RRAD: variants seen among roughly 807,000 people sequenced by gnomAD.
RRAD encodes the protein RRAD, Ras related glycolysis inhibitor and calcium channel regulator.
A neutral mutation model predicts 24.7 loss-of-function variants in RRAD; 15 were observed. That is an observed-to-expected ratio of 0.61 (90% CI 0.41 to 0.93). The LOEUF is 0.93. Ranked by LOEUF, RRAD falls within the 40% of genes least tolerant of loss-of-function variation. RRAD has a pLI of 0.00. For synonymous variants in RRAD, 180 were observed against 189.8 expected (o/e 0.95, Z 0.43); for missense variants, 438 against 452.2 (o/e 0.97, Z 0.29).
Position 66,922,265 on chromosome 16 carries a change from A to G in RRAD, c.738T>C (p.Gly246=), listed in dbSNP as rs1167988801. ...TGCGCAGGCGTATCTGGCGCACGAC[A>G]CCTTCAAACAGCGCCTGGACATTGT... The part of the protein sequence containing the change: ...LHHNVQALFE[G]VVRQIRLRRD... Residue 246 remains glycine, a synonymous_variant, in exon 5 of 5, where the codon GGT becomes GGC. Coordinates refer to ENST00000299759, the MANE Select transcript of RRAD (RefSeq NM_004165.3). 6.2e-7 allele frequency: 1 copy of G among 1,613,986 alleles called. No homozygotes were observed. The highest frequency in any genetic ancestry group is 1.7e-5 in the Admixed American group (1 of 60,024).
At position 66,924,761 on chromosome 16, in the gene RRAD, A is replaced by C. The variant is rs1420822810; in HGVS notation, c.370+49T>G. 5 of 1,392,452 alleles carry C rather than the reference A, an allele frequency of 3.6e-6. No homozygotes were observed. Among genetic ancestry groups the C allele is most frequent in the African/African-American group, 1.4e-5 (1 of 69,236 alleles). 86.3% of individuals were successfully genotyped at this position (1,392,452 alleles called of 1,614,324 possible). On this transcript the variant is annotated intron_variant, in intron 2 of 4. Transcript: ENST00000299759. The surrounding 1 kb of genome is among the most constrained non-coding windows in gnomAD (Gnocchi z 4.2). ...GCTTTGAGTACCGGTCTCAGCCCCTAGTCCTAGCCCCGGGATCGCCCCTCC... is the reference window on the plus strand; with the variant it reads ...GCTTTGAGTACCGGTCTCAGCCCCTCGTCCTAGCCCCGGGATCGCCCCTCC...
At position 66,923,678 on chromosome 16, in the gene RRAD, C is replaced by A. The variant is rs771292391; in HGVS notation, c.487G>T (p.Asp163Tyr). Residue 163 changes from aspartate (D) to tyrosine (Y), a missense_variant, in exon 4 of 5, where the codon GAT becomes TAT. Transcript: ENST00000299759. The surrounding 1 kb of genome is among the most constrained non-coding windows in gnomAD (Gnocchi z 4.9). Reference protein sequence around the residue: ...WLPGHCMAMGDAYVIVYSVTD... With the variant: ...WLPGHCMAMGYAYVIVYSVTD... The stretch of plus-strand genomic sequence containing the variant: ...ACTGAGTACACAATGACATAGGCAT[C>A]CCCCATGGCCATGCAGTGGCCGGGC... The A allele has an allele frequency of 1.1e-5, 17 of 1,614,102 alleles. No homozygotes were observed. Among genetic ancestry groups the A allele is most frequent in the Non-Finnish European group, 1.2e-5 (14 of 1,180,026 alleles).
At position 66,925,162 on chromosome 16, in the gene RRAD, G is replaced by A; in HGVS notation, c.18C>T (p.Gly6=). 8.1e-7 allele frequency: 1 copy of A among 1,234,374 alleles called. No homozygotes were observed. The highest frequency in any genetic ancestry group is 4.0e-5 in the Admixed American group (1 of 24,900). The allele number at this position is 1,234,374 out of a possible 1,614,324, so 76.5% of individuals were successfully genotyped here. Residue 6 remains glycine (G), a synonymous_variant, in exon 2 of 5, where the codon GGC becomes GGT. Transcript: ENST00000299759. This position sits in a 1 kb window ranked among gnomAD's most constrained non-coding sequence, Gnocchi z 5.2. The part of the protein sequence containing the change: MTLNG[G]GSGAGGSRGG... ...CGCGGCTCCCGCCCGCTCCGCTGCC[G>A]CCGCCGTTCAGGGTCATCGCGTCCG...
At position 66,925,198 on chromosome 16, in the gene RRAD, G is replaced by A. The variant is rs1413878054; in HGVS notation, c.-15-4C>T. The A allele has an allele frequency of 1.6e-6, 2 of 1,247,130 alleles. No individual in the cohort carries two copies. The highest frequency in any genetic ancestry group is 3.9e-5 in the South Asian group (1 of 25,918). 77.3% of individuals were successfully genotyped at this position (1,247,130 alleles called of 1,614,324 possible). A position where few individuals can be genotyped will look rare whatever the true frequency, so the allele number is the denominator to read the frequency against. Reference sequence around the variant, plus strand: ...GGGTCATCGCGTCCGGGACCGTCTAGGGGATCAGGAACCCGAGTGGCCGTG... The same window carrying A: ...GGGTCATCGCGTCCGGGACCGTCTAAGGGATCAGGAACCCGAGTGGCCGTG... On this transcript the variant is annotated splice_polypyrimidine_tract_variant and splice_region_variant and intron_variant, in intron 1 of 4. Coordinates refer to ENST00000299759, the MANE Select transcript of RRAD (RefSeq NM_004165.3). The surrounding 1 kb of genome is among the most constrained non-coding windows in gnomAD (Gnocchi z 5.2).
chr16:66,924,522 G>C lies in RRAD; in HGVS notation c.370+288C>G, dbSNP rs1301337817. 6.6e-6 allele frequency among the ~76,000 whole-genome samples: 1 copy of C among 152,016 alleles called. No individual in the cohort carries two copies. The highest frequency in any genetic ancestry group is 1.5e-5 in the Non-Finnish European group (1 of 68,008). ...TCTACTAAAAACACAAATATTAGCC[G>C]GGCGTGGTAGCAGGCGCCTGTAATC... On this transcript the variant is annotated intron_variant, in intron 2 of 4. Transcript: ENST00000299759. The surrounding 1 kb of genome is among the most constrained non-coding windows in gnomAD (Gnocchi z 4.2).
chr16:66,922,379 C>T (rs200902829), intron 4 of RRAD, 26 bp from the exon 5 acceptor site: 10 of 1,563,256 alleles, frequency 6.4e-6, no homozygotes, highest in Admixed American at 5.2e-5. Flanking sequence ...AAGGCAGGCA[C>T]CAGTAAACAA....
At position 66,922,226 on chromosome 16, in the gene RRAD, TTC is replaced by T; in HGVS notation, c.775_776del (p.Glu259SerfsTer30). 6.2e-7 allele frequency: 1 copy of T among 1,614,240 alleles called. No individual in the cohort carries two copies. Reference sequence around the variant, plus strand: ...TGCCTGCTTGCCGTCGTGCGTTGGCTTCTTTGCTGTCCCTGCGCAGGCGTATC... The same window carrying T: ...TGCCTGCTTGCCGTCGTGCGTTGGCTTTTGCTGTCCCTGCGCAGGCGTATC... ...RQIRLRRDSK[E>X]ANARRQAGTR... is the part of the protein sequence containing the mutation. On this transcript the variant is annotated frameshift_variant, in exon 5 of 5. Transcript: ENST00000299759. LOFTEE classifies it high-confidence loss of function.
At chr16:66,922,553 GC>G (rs1962931060) in intron 4 of RRAD, among the ~76,000 whole-genome samples, 200 bp from the exon 5 acceptor site, 1 of 152,174 alleles carries the variant, frequency 6.6e-6, no homozygotes, top group South Asian at 2.1e-4. Flanking sequence ...CATTTAAGGA[GC>G]CCCCAAAACA....
At position 66,925,248 on chromosome 16, in the gene RRAD, G is replaced by A; in HGVS notation, c.-15-54C>T. On this transcript the variant is annotated intron_variant, in intron 1 of 4. Transcript: ENST00000299759. The surrounding 1 kb of genome is among the most constrained non-coding windows in gnomAD (Gnocchi z 5.2). The stretch of plus-strand genomic sequence containing the variant: ...GTAAGCCGCGAGGGAGGCGGGACCC[G>A]GGGCGCACCTGCCCAACCCGGAGTC... 5 of 1,200,600 alleles carry A rather than the reference G, an allele frequency of 4.2e-6. No individual in the cohort carries two copies. The highest frequency in any genetic ancestry group is 5.2e-6 in the Non-Finnish European group (5 of 965,656). The allele number at this position is 1,200,600 out of a possible 1,614,324, so 74.4% of individuals were successfully genotyped here.
chr16:66,925,494 G>A lies in RRAD; in HGVS notation c.-101C>T, dbSNP rs1328470277. ...TCCGGACTCGGACTTTAGGGTTTCC[G>A]CCGCCGCTGCTGCTGCAGCCACCGC... is the stretch of plus-strand genomic sequence containing the variant. On this transcript the variant is annotated 5_prime_UTR_variant, in exon 1 of 5. Transcript: ENST00000299759. This position sits in a 1 kb window ranked among gnomAD's most constrained non-coding sequence, Gnocchi z 5.2. The A allele has an allele frequency of 4.6e-6, 1 of 215,778 alleles. No individual in the cohort carries two copies. The highest frequency in any genetic ancestry group is 9.1e-6 in the Non-Finnish European group (1 of 109,464). The allele number at this position is 215,778 out of a possible 1,614,324, so 13.4% of individuals were successfully genotyped here. A position where few individuals can be genotyped will look rare whatever the true frequency, so the allele number is the denominator to read the frequency against.
At position 66,925,323 on chromosome 16, in the gene RRAD, A is replaced by G; in HGVS notation, c.-16+86T>C. The G allele has an allele frequency of 2.3e-6, 2 of 857,518 alleles. No homozygotes were observed. The highest frequency in any genetic ancestry group is 1.8e-5 in the African/African-American group (1 of 56,252). The allele number at this position is 857,518 out of a possible 1,614,324, so 53.1% of individuals were successfully genotyped here. ...CCGCCGCAGCCCTCCCCCAGCCCCC[A>G]GGTCGCGGCGCCCTCACCCGGGACC... On this transcript the variant is annotated intron_variant, in intron 1 of 4. Coordinates refer to ENST00000299759, the MANE Select transcript of RRAD (RefSeq NM_004165.3). The surrounding 1 kb of genome is among the most constrained non-coding windows in gnomAD (Gnocchi z 5.2).
At position 66,923,902 on chromosome 16, in the gene RRAD, A is replaced by G. The variant is rs143447375; in HGVS notation, c.388T>C (p.Ser130Pro). ...AEAAGHTYDRSIVVDGEEASL... is the reference protein window; with the variant it reads ...AEAAGHTYDRPIVVDGEEASL... ...GCCTCTTCTCCGTCCACTACAATGG[A>G]GCGATCATAGGTGTGCCCTAGGCAG... Residue 130 changes from serine to proline, a missense_variant, in exon 3 of 5, where the codon TCC becomes CCC. Coordinates refer to ENST00000299759, the MANE Select transcript of RRAD (RefSeq NM_004165.3). This position sits in a 1 kb window ranked among gnomAD's most constrained non-coding sequence, Gnocchi z 4.9. 2.5e-6 allele frequency: 4 copies of G among 1,614,020 alleles called. No homozygotes were observed. Among genetic ancestry groups the G allele is most frequent in the Non-Finnish European group, 2.5e-6 (3 of 1,179,964 alleles).
rs745613040 is a variant in RRAD at position 66,923,861 on chromosome 16, G to A, written c.429C>T (p.Tyr143=). The change falls in exon 3 of 5, where the codon TAC becomes TAT. Residue 143 remains tyrosine, a synonymous_variant. Transcript: ENST00000299759. This position sits in a 1 kb window ranked among gnomAD's most constrained non-coding sequence, Gnocchi z 4.9. ...TGCACCCTACCTGCTCCCAAATGTCGTAGACCATGAGTGATGCCTCTTCTC... is the reference window on the plus strand; with the variant it reads ...TGCACCCTACCTGCTCCCAAATGTCATAGACCATGAGTGATGCCTCTTCTC... ...VDGEEASLMV[Y]DIWEQDGGRW... 8.7e-6 allele frequency: 14 copies of A among 1,613,840 alleles called. No individual in the cohort carries two copies. Among genetic ancestry groups the A allele is most frequent in the Middle Eastern group, 1.6e-4 (1 of 6,084 alleles).
rs2145485586 is a variant in RRAD, at chr16:66,924,151, G to A, written c.371-232C>T. On this transcript the variant is annotated intron_variant, in intron 2 of 4. Coordinates refer to ENST00000299759, the MANE Select transcript of RRAD (RefSeq NM_004165.3). This position sits in a 1 kb window ranked among gnomAD's most constrained non-coding sequence, Gnocchi z 4.2. ...CCCCCCTGGGGACCTTGGCCACCTA[G>A]GGCTCCTCTCTTAGAAATCCCTCTG... is the stretch of plus-strand genomic sequence containing the variant. Among the ~76,000 whole-genome samples, 1 of 152,242 alleles carries A rather than the reference G, an allele frequency of 6.6e-6. No homozygotes were observed. The highest frequency in any genetic ancestry group is 1.5e-5 in the Non-Finnish European group (1 of 68,012).
At position 66,924,395 on chromosome 16, in the gene RRAD, G is replaced by A. The variant is rs988993878; in HGVS notation, c.370+415C>T. ...GAATTCCACAGTATTGGCCAGGTGC[G>A]GTGGCTCACGCCTGTAATCCCAGCA... On this transcript the variant is annotated intron_variant, in intron 2 of 4. Transcript: ENST00000299759. This position sits in a 1 kb window ranked among gnomAD's most constrained non-coding sequence, Gnocchi z 4.2. 1.3e-5 allele frequency among the ~76,000 whole-genome samples: 2 copies of A among 152,170 alleles called. No individual in the cohort carries two copies. Among genetic ancestry groups the A allele is most frequent in the Non-Finnish European group, 2.9e-5 (2 of 68,036 alleles).
rs1962952211 is a variant in RRAD, at chr16:66,923,792, T to C, written c.444+54A>G. On this transcript the variant is annotated intron_variant, in intron 3 of 4. Coordinates refer to ENST00000299759, the MANE Select transcript of RRAD (RefSeq NM_004165.3). This position sits in a 1 kb window ranked among gnomAD's most constrained non-coding sequence, Gnocchi z 4.9. ...GACACGAGCCTGGCACTCCCAGACCTCTAACCCAACTCACTCCTCCCTCCC... is the reference window on the plus strand; with the variant it reads ...GACACGAGCCTGGCACTCCCAGACCCCTAACCCAACTCACTCCTCCCTCCC... The C allele has an allele frequency of 1.2e-6, 2 of 1,609,412 alleles. No homozygotes were observed. The highest frequency in any genetic ancestry group is 1.7e-6 in the Non-Finnish European group (2 of 1,176,190).
In RRAD at chr16:66,924,803, C is replaced by A. The variant is rs746697897; in HGVS notation, c.370+7G>T. The A allele has an allele frequency of 1.2e-5, 18 of 1,536,756 alleles. No individual in the cohort carries two copies. The Admixed American group carries it at 3.2e-4, about 27-fold the overall frequency. ...CGCCCCTCCCCTGAACAGCTGGGTC[C>A]CCTCACCTGCTGCCTCTGCTTCAGG... is the stretch of plus-strand genomic sequence containing the variant. On this transcript the variant is annotated splice_region_variant and intron_variant, in intron 2 of 4. Coordinates refer to ENST00000299759, the MANE Select transcript of RRAD (RefSeq NM_004165.3). The surrounding 1 kb of genome is among the most constrained non-coding windows in gnomAD (Gnocchi z 4.2).
At position 66,923,838 on chromosome 16, in the gene RRAD, C is replaced by T; in HGVS notation, c.444+8G>A. 3 of 1,613,682 alleles carry T rather than the reference C, an allele frequency of 1.9e-6. No homozygotes were observed. The highest frequency in any genetic ancestry group is 2.5e-6 in the Non-Finnish European group (3 of 1,179,642). Reference sequence around the variant, plus strand: ...CTCCCCTGCCCTGGGTCTCTGCTTGCACCCTACCTGCTCCCAAATGTCGTA... The same window carrying T: ...CTCCCCTGCCCTGGGTCTCTGCTTGTACCCTACCTGCTCCCAAATGTCGTA... On this transcript the variant is annotated splice_region_variant and intron_variant, in intron 3 of 4. Coordinates refer to ENST00000299759, the MANE Select transcript of RRAD (RefSeq NM_004165.3). The surrounding 1 kb of genome is among the most constrained non-coding windows in gnomAD (Gnocchi z 4.9).
chr16:66,925,340 C>A lies in RRAD; in HGVS notation c.-16+69G>T, dbSNP rs1426837029. The A allele has an allele frequency of 4.6e-6, 3 of 658,042 alleles. No homozygotes were observed. Among genetic ancestry groups the A allele is most frequent in the Non-Finnish European group, 6.3e-6 (3 of 473,048 alleles). The allele number at this position is 658,042 out of a possible 1,614,324, so 40.8% of individuals were successfully genotyped here. On this transcript the variant is annotated intron_variant, in intron 1 of 4. Transcript: ENST00000299759. This position sits in a 1 kb window ranked among gnomAD's most constrained non-coding sequence, Gnocchi z 5.2. ...CAGCCCCCAGGTCGCGGCGCCCTCACCCGGGACCCCTCCGGACCTGGCGCA... is the reference window on the plus strand; with the variant it reads ...CAGCCCCCAGGTCGCGGCGCCCTCAACCGGGACCCCTCCGGACCTGGCGCA...
Sources: gnomAD v4.1 joint callset for allele counts (sites outside exome capture counted in the v4.1 genomes callset) on GRCh38, gnomAD v4.1.1 for gene constraint, Gnocchi (gnomAD v3.1) non-coding constraint, MANE v1.5 for transcripts, NCBI Gene and HGNC (gene_info 2026-07-23, HGNC 2026-07-21) for gene names.